DET1: variants seen among roughly 807,000 people sequenced by gnomAD.
DET1 encodes the protein DET1 homolog.
In DET1, 22 loss-of-function variants were observed where a neutral mutation model predicts 43.7. The observed-to-expected ratio is 0.50, with a 90% CI of 0.36 to 0.72. The LOEUF (loss-of-function observed/expected upper bound fraction) is 0.72, where lower values mean the gene tolerates loss of function less well. Ranked by LOEUF, DET1 falls within the 30% of genes least tolerant of loss-of-function variation. The pLI is 0.00. For synonymous variants in DET1, 315 were observed against 266.2 expected, an observed-to-expected ratio of 1.18 and a Z score of -1.79; for missense variants, 713 against 713.3, an observed-to-expected ratio of 1.00 and a Z score of 0.00.
At chr15:88,530,264 GC>G (rs2056775542) in intron 2 of DET1, among the ~76,000 whole-genome samples, 1 of 152,164 alleles carries the variant, frequency 6.6e-6, no homozygotes, top group Non-Finnish European at 1.5e-5. Flanking sequence ...AACTAAAACA[GC>G]CAGACCAATA....
At chr15:88,538,653 C>G (rs1192765791) in intron 1 of DET1, among the ~76,000 whole-genome samples, 1 of 152,102 alleles carries the variant, frequency 6.6e-6, no homozygotes, top group Non-Finnish European at 1.5e-5. Context: ...AATGGAGGCC[C>G]CAGCGAGAAA....
At chr15:88,525,939 G>T (rs1441009508) in intron 3 of DET1, among the ~76,000 whole-genome samples, 3 of 148,332 alleles carry the variant, frequency 2.0e-5, no homozygotes. Context: ...GACTTCCAAA[G>T]TGTTGGGATT....
chr15:88,535,271 C>T (rs2056917769), intron 1 of DET1, among the ~76,000 whole-genome samples: 1 of 151,822 alleles, frequency 6.6e-6, no homozygotes, highest in South Asian at 2.1e-4. Flanking sequence ...AGAATGAAGT[C>T]ATCAGAGAAA....
intron 3 of DET1, among the ~76,000 whole-genome samples, chr15:88,518,547 T>G (rs1035989693): frequency 3.3e-5 from 5 of 152,162 alleles, no homozygotes; most frequent in Admixed American, 2.6e-4. Flanking sequence ...CACATTAAAA[T>G]GTTAATAGTT....
In DET1 at chr15:88,535,986, G is replaced by A. The variant is rs540846269; in HGVS notation, c.-10-4271C>T. Among the ~76,000 whole-genome samples, 4 of 152,186 alleles carry A rather than the reference G, an allele frequency of 2.6e-5. No individual in the cohort carries two copies. In the South Asian group the frequency reaches 8.3e-4, roughly 32 times the overall value. On this transcript the variant is annotated intron_variant, in intron 1 of 4. Transcript: ENST00000268148. ...ATAAATCCAAAGAAATCCATGCCCA[G>A]GCACATCATAGCTAAAATGGAAAAA... is the stretch of plus-strand genomic sequence containing the variant.
At chr15:88,527,986 A>T (rs1023554553) in intron 2 of DET1, among the ~76,000 whole-genome samples, 200 bp from the exon 3 acceptor site, 1 of 152,210 alleles carries the variant, frequency 6.6e-6, no homozygotes, top group Admixed American at 6.5e-5. Context: ...GGAAAATAGG[A>T]AGCAACAGTG....
At chr15:88,507,233 G>A (rs772943161) in intron 7 of DET1, among the ~76,000 whole-genome samples, 3 of 152,032 alleles carry the variant, frequency 2.0e-5, no homozygotes, top group Non-Finnish European at 4.4e-5. Context: ...TATAAATCCA[G>A]ACCTGACTCC....
At chr15:88,511,450 C>T (rs2056200350), downstream of DET1, 4 of 985,358 alleles carry the variant, frequency 4.1e-6, no homozygotes, top group African/African-American at 1.7e-5. Context: ...TACTTCCATG[C>T]CTTTGTATAT....
At chr15:88,537,822 A>G (rs2056992723) in intron 1 of DET1, among the ~76,000 whole-genome samples, 1 of 152,166 alleles carries the variant, frequency 6.6e-6, no homozygotes, top group Non-Finnish European at 1.5e-5. Flanking sequence ...CCTTGCTGTA[A>G]CTTCTCAAGT....
Position 88,531,840 on chromosome 15 carries a change from A to T in DET1, c.-10-125T>A. Reference sequence around the variant, plus strand: ...CCTAGGAGCTCCCAAGATGACAGTGACTGGCATTACTACTTCCCAGATTAT... The same window carrying T: ...CCTAGGAGCTCCCAAGATGACAGTGTCTGGCATTACTACTTCCCAGATTAT... On this transcript the variant is annotated intron_variant, in intron 1 of 4. Coordinates refer to ENST00000268148, the MANE Select transcript of DET1 (RefSeq NM_001144074.3). The surrounding 1 kb of genome is among the most constrained non-coding windows in gnomAD (Gnocchi z 6.2). The T allele has an allele frequency of 1.1e-6, 1 of 875,166 alleles. No individual in the cohort carries two copies. The highest frequency in any genetic ancestry group is 1.8e-5 in the South Asian group (1 of 54,126). 54.2% of individuals were successfully genotyped at this position (875,166 alleles called of 1,614,324 possible).
In DET1 at chr15:88,531,421, G is replaced by T. The variant is rs942608264; in HGVS notation, c.285C>A (p.Asp95Glu). 52 of 1,613,906 alleles carry T rather than the reference G, an allele frequency of 3.2e-5. No individual in the cohort carries two copies. Among genetic ancestry groups the T allele is most frequent in the Non-Finnish European group, 4.2e-5 (49 of 1,179,910 alleles). The change falls in exon 2 of 5, where the codon GAC becomes GAA. Residue 95 changes from aspartate (D) to glutamate (E), a missense_variant. By Grantham distance (45) the Asp-to-Glu change is conservative. Coordinates refer to ENST00000268148, the MANE Select transcript of DET1 (RefSeq NM_001144074.3). This position sits in a 1 kb window ranked among gnomAD's most constrained non-coding sequence, Gnocchi z 6.2. ...YEYQGCQAAEDLLQGYEGEIL... is the reference protein window; with the variant it reads ...YEYQGCQAAEELLQGYEGEIL... ...TTTCTCCTTCGTATCCCTGCAGTAG[G>T]TCCTCTGCTGCCTGGCAGCCCTGGT...
intron 3 of DET1, among the ~76,000 whole-genome samples, chr15:88,520,094 A>AC (rs557824768): frequency 3.7e-4 from 57 of 152,262 alleles, no homozygotes; most frequent in Admixed American, 2.7e-3. Flanking sequence ...GTGCACTAGC[A>AC]CCCAACCCCT....
At chr15:88,544,289 C>G (rs1040074707) in intron 1 of DET1, among the ~76,000 whole-genome samples, 1 of 152,174 alleles carries the variant, frequency 6.6e-6, no homozygotes, top group African/African-American at 2.4e-5. Flanking sequence ...ATTTTAAAAA[C>G]CGGTAAAAAT....
chr15:88,522,649 C>T, intron 3 of DET1, among the ~76,000 whole-genome samples: 1 of 151,162 alleles, frequency 6.6e-6, no homozygotes, highest in Non-Finnish European at 1.5e-5. Flanking sequence ...GCTGGGACTA[C>T]AGGCGCCCGC....
chr15:88,518,025 C>T (rs530721131), intron 3 of DET1, among the ~76,000 whole-genome samples: 1 of 152,210 alleles, frequency 6.6e-6, no homozygotes, highest in East Asian at 1.9e-4. Flanking sequence ...CAACCTCCAC[C>T]TCTCCTGGGC....
At chr15:88,526,378 C>A (rs1429599457) in intron 3 of DET1, among the ~76,000 whole-genome samples, 1 of 152,220 alleles carries the variant, frequency 6.6e-6, no homozygotes, top group Non-Finnish European at 1.5e-5. Flanking sequence ...CACTGTCTAA[C>A]TAAAGTAGGA....
intron 4 of DET1, 43 bp from the exon 5 acceptor site, chr15:88,513,183 T>C (rs749294534): frequency 9.7e-6 from 15 of 1,541,854 alleles, no homozygotes; most frequent in South Asian, 2.4e-5. Context: ...GGGGACAGGA[T>C]TGATATTCAC....
intron 3 of DET1, among the ~76,000 whole-genome samples, chr15:88,522,317 T>G (rs1238311134): frequency 6.6e-6 from 1 of 152,120 alleles, no homozygotes; most frequent in Non-Finnish European, 1.5e-5. Flanking sequence ...TTTCTCCACT[T>G]TGTGTTCTCC....
Position 88,530,938 on chromosome 15 carries a change from AATGGT to A in DET1, c.763_767del (p.Thr255TrpfsTer6). 2 of 1,614,016 alleles carry A rather than the reference AATGGT, an allele frequency of 1.2e-6. No homozygotes were observed. Among genetic ancestry groups the A allele is most frequent in the Non-Finnish European group, 1.7e-6 (2 of 1,179,898 alleles). ...GGTCATCCTCATAGCAAAAGCGGCC[AATGGT>A]CCGCACATCAATGAAAGTGCCTTCA... On this transcript the variant is annotated frameshift_variant, in exon 2 of 5. Coordinates refer to ENST00000268148, the MANE Select transcript of DET1 (RefSeq NM_001144074.3). LOFTEE classifies it high-confidence loss of function.
Sources: gnomAD v4.1 joint callset for allele counts (sites outside exome capture counted in the v4.1 genomes callset) on GRCh38, gnomAD v4.1.1 for gene constraint, Gnocchi (gnomAD v3.1) non-coding constraint, MANE v1.5 for transcripts, NCBI Gene and HGNC (gene_info 2026-07-23, HGNC 2026-07-21) for gene names.